The following MEGF9 variants were observed in gnomAD, a reference collection of about 807,000 sequenced individuals.
MEGF9 encodes the protein multiple epidermal growth factor-like domains protein 9.
MEGF9 carries 6 observed loss-of-function variants against 46.8 expected under a neutral mutation model. The ratio of observed to expected loss-of-function variants is 0.13; its 90% CI spans 0.07 to 0.25. The LOEUF (loss-of-function observed/expected upper bound fraction) is 0.25. Ranked by LOEUF, MEGF9 falls within the 10% of genes least tolerant of loss-of-function variation. The probability of loss-of-function intolerance (pLI) is 1.00; values close to 1 mark genes in which losing one functional copy is unlikely to be tolerated. For missense variants in MEGF9, 683 were observed against 792.4 expected (o/e 0.86, Z 1.66); for synonymous variants, 302 against 330.7 (o/e 0.91, Z 0.94).
At chr9:120,632,636 A>G (rs561588841) in intron 2 of MEGF9, among the ~76,000 whole-genome samples, 38 of 152,296 alleles carry the variant, frequency 2.5e-4, no homozygotes, top group African/African-American at 8.4e-4. Context: ...ATTATGTTGA[A>G]TAGGAGTGGT....
At chr9:120,639,740 GTGT>G (rs2043594147) in intron 2 of MEGF9, among the ~76,000 whole-genome samples, 1 of 152,030 alleles carries the variant, frequency 6.6e-6, no homozygotes. Context: ...AACTACCTAA[GTGT>G]TGCTATTATT....
intron 2 of MEGF9, among the ~76,000 whole-genome samples, chr9:120,654,145 C>G (rs2043665942): frequency 6.6e-6 from 1 of 152,138 alleles, no homozygotes; most frequent in South Asian, 2.1e-4. Flanking sequence ...CCATTACCTG[C>G]ATGAGCTGCA....
At chr9:120,613,434 T>A (rs1425782976) in intron 3 of MEGF9, among the ~76,000 whole-genome samples, 1 of 151,996 alleles carries the variant, frequency 6.6e-6, no homozygotes, top group Admixed American at 6.6e-5. Flanking sequence ...TGTAACTATA[T>A]ACATATATAT....
chr9:120,686,302 T>G (rs1413819003), intron 1 of MEGF9, among the ~76,000 whole-genome samples: 2 of 152,028 alleles, frequency 1.3e-5, no homozygotes, highest in Non-Finnish European at 2.9e-5. Flanking sequence ...GTGGTCTCAA[T>G]CTCCTAACCT....
chr9:120,685,123 C>T (rs932470847), intron 1 of MEGF9, among the ~76,000 whole-genome samples: 4 of 152,234 alleles, frequency 2.6e-5, no homozygotes, highest in Non-Finnish European at 5.9e-5. Flanking sequence ...CGTAAGCCAC[C>T]ACACCCGGCC....
At chr9:120,608,587 A>G (rs190262690) in intron 4 of MEGF9, among the ~76,000 whole-genome samples, 4 of 152,304 alleles carry the variant, frequency 2.6e-5, no homozygotes, top group Non-Finnish European at 4.4e-5. Flanking sequence ...AACAATTCCA[A>G]TATGTGTATG....
At chr9:120,668,950 T>C (rs1270718555) in intron 1 of MEGF9, among the ~76,000 whole-genome samples, 2 of 152,208 alleles carry the variant, frequency 1.3e-5, no homozygotes, top group Non-Finnish European at 2.9e-5. Context: ...CACTTTAAAA[T>C]CAAACTTTGC....
chr9:120,660,156 T>C (rs1380774269), intron 1 of MEGF9, among the ~76,000 whole-genome samples: 5 of 152,190 alleles, frequency 3.3e-5, no homozygotes. Flanking sequence ...TTAAAATATT[T>C]GGAAAATAAA....
intron 1 of MEGF9, among the ~76,000 whole-genome samples, chr9:120,700,426 A>G (rs2043898737): frequency 6.6e-6 from 1 of 152,252 alleles, no homozygotes; most frequent in African/African-American, 2.4e-5. Context: ...GGTACACTTT[A>G]TAACTATTCA....
At chr9:120,611,827 GAAA>G in intron 4 of MEGF9, among the ~76,000 whole-genome samples, 1 of 137,992 alleles carries the variant, frequency 7.2e-6, no homozygotes, top group Non-Finnish European at 1.5e-5. Context: ...GAAAAGAAAA[GAAA>G]GAAAGGAAGG....
intron 2 of MEGF9, among the ~76,000 whole-genome samples, chr9:120,630,028 C>T (rs1469872020): frequency 6.6e-6 from 1 of 151,986 alleles, no homozygotes; most frequent in East Asian, 1.9e-4. Context: ...GTTCAGTATA[C>T]CTTGACCATC....
intron 1 of MEGF9, among the ~76,000 whole-genome samples, chr9:120,710,952 A>T (rs1484451965): frequency 6.6e-6 from 1 of 152,252 alleles, no homozygotes; most frequent in Non-Finnish European, 1.5e-5. Flanking sequence ...TTTAAAACAC[A>T]GGAAAGTTAT....
intron 1 of MEGF9, among the ~76,000 whole-genome samples, chr9:120,704,256 C>A (rs2043918523): frequency 6.6e-6 from 1 of 151,996 alleles, no homozygotes; most frequent in Non-Finnish European, 1.5e-5. Context: ...ACTGCTAGAA[C>A]CTATGAGGCA....
chr9:120,664,188 T>C (rs2043715125), intron 1 of MEGF9, among the ~76,000 whole-genome samples: 1 of 152,208 alleles, frequency 6.6e-6, no homozygotes, highest in Non-Finnish European at 1.5e-5. Flanking sequence ...GAAGACCTTT[T>C]CTAGGCCTTT....
chr9:120,652,694 T>C lies in MEGF9; in HGVS notation c.803+6680A>G, dbSNP rs531453356. Among the ~76,000 whole-genome samples, 3 of 152,148 alleles carry C rather than the reference T, an allele frequency of 2.0e-5. No individual in the cohort carries two copies. The South Asian group carries it at 6.2e-4, about 32-fold the overall frequency. On this transcript the variant is annotated intron_variant, in intron 2 of 5. Coordinates refer to ENST00000373930, the MANE Select transcript of MEGF9 (RefSeq NM_001080497.3). ...TGGATATATAATAGTCATATATATTTATAGGGGACATGTGGTTTTTATATA... is the reference window on the plus strand; with the variant it reads ...TGGATATATAATAGTCATATATATTCATAGGGGACATGTGGTTTTTATATA...
intron 1 of MEGF9, among the ~76,000 whole-genome samples, chr9:120,710,286 G>A (rs544386098): frequency 1.3e-4 from 20 of 151,612 alleles, no homozygotes; most frequent in Non-Finnish European, 2.5e-4. Context: ...AAATTAGCTG[G>A]GCATGGTGGC....
At position 120,713,942 on chromosome 9, in the gene MEGF9, C is replaced by A. The variant is rs778811337; in HGVS notation, c.417G>T (p.Ala139=). The change falls in exon 1 of 6, where the codon GCG becomes GCT. Residue 139 remains alanine (A), a synonymous_variant. Coordinates refer to ENST00000373930, the MANE Select transcript of MEGF9 (RefSeq NM_001080497.3). ...GGGTGGTCGGCGCGGGTCTGGTCGGCGCCTGAGAGGTGGTCGAAGTGCGTT... is the reference window on the plus strand; with the variant it reads ...GGGTGGTCGGCGCGGGTCTGGTCGGAGCCTGAGAGGTGGTCGAAGTGCGTT... The part of the protein sequence containing the change: ...AAERTSTTSQ[A]PTRPAPTTLS... The A allele has an allele frequency of 7.3e-7, 1 of 1,371,266 alleles. No homozygotes were observed. Among genetic ancestry groups the A allele is most frequent in the South Asian group, 1.8e-5 (1 of 54,704 alleles). 84.9% of individuals were successfully genotyped at this position (1,371,266 alleles called of 1,614,324 possible). A position where few individuals can be genotyped will look rare whatever the true frequency, so the allele number is the denominator to read the frequency against.
chr9:120,713,187 G>A (rs1456169120), intron 1 of MEGF9, among the ~76,000 whole-genome samples: 1 of 152,170 alleles, frequency 6.6e-6, no homozygotes, highest in Non-Finnish European at 1.5e-5. Context: ...GGACAACATG[G>A]ATTACAATGC....
intron 1 of MEGF9, among the ~76,000 whole-genome samples, chr9:120,686,545 G>A (rs1023461566): frequency 6.6e-6 from 1 of 152,186 alleles, no homozygotes; most frequent in African/African-American, 2.4e-5. Flanking sequence ...AAGGAGAGAG[G>A]GAGCTATCAT....
Sources: gnomAD v4.1 joint callset for allele counts (sites outside exome capture counted in the v4.1 genomes callset) on GRCh38, gnomAD v4.1.1 for gene constraint, MANE v1.5 for transcripts, NCBI Gene and HGNC (gene_info 2026-07-23, HGNC 2026-07-21) for gene names.